CRIP1: variants seen among roughly 807,000 people sequenced by gnomAD.
CRIP1 encodes cysteine rich protein 1.
In CRIP1, 11 loss-of-function variants were observed where a neutral mutation model predicts 12.9. The observed-to-expected ratio is 0.86, with a 90% CI of 0.54 to 1.42. The LOEUF (loss-of-function observed/expected upper bound fraction) is 1.42, where lower values mean the gene tolerates loss of function less well. CRIP1 is among the 40% of genes most tolerant of loss of function. The probability of loss-of-function intolerance (pLI) is 0.00; values close to 1 mark genes in which losing one functional copy is unlikely to be tolerated. For missense variants in CRIP1, 122 were observed against 101.3 expected, an observed-to-expected ratio of 1.20 and a Z score of -0.88; for synonymous variants, 41 against 37.2, an observed-to-expected ratio of 1.10 and a Z score of -0.37.
intron 1 of CRIP1, 21 bp from the exon 2 acceptor site, chr14:105,487,178 G>T: frequency 6.6e-7 from 1 of 1,523,458 alleles, no homozygotes; most frequent in South Asian, 1.2e-5. Flanking sequence ...GAAAGGCGCG[G>T]ACCAGGCCGG....
chr14:105,488,339 C>T lies in CRIP1; in HGVS notation c.144C>T (p.Gly48=), dbSNP rs372511951. 35 of 1,613,432 alleles carry T rather than the reference C, an allele frequency of 2.2e-5. No homozygotes were observed. The highest frequency in any genetic ancestry group is 2.6e-5 in the Non-Finnish European group (31 of 1,180,014). The change falls in exon 4 of 6, where the codon GGC becomes GGT. Residue 48 remains glycine (G), a synonymous_variant. Coordinates refer to ENST00000392531, the MANE Select transcript of CRIP1 (RefSeq NM_001311.5). ...LTSGGHAEHE[G]KPYCNHPCYA... is the part of the protein sequence containing the mutation. Reference sequence around the variant, plus strand: ...GGCCCTTCTCTTTGCAGCACGAAGGCAAACCCTACTGCAACCACCCCTGCT... The same window carrying T: ...GGCCCTTCTCTTTGCAGCACGAAGGTAAACCCTACTGCAACCACCCCTGCT...
chr14:105,488,226 G>A lies in CRIP1; in HGVS notation c.101G>A (p.Cys34Tyr), dbSNP rs2084143088. 2 of 1,613,306 alleles carry A rather than the reference G, an allele frequency of 1.2e-6. No homozygotes were observed. The highest frequency in any genetic ancestry group is 1.7e-5 in the Admixed American group (1 of 60,010). The stretch of plus-strand genomic sequence containing the variant: ...CGGCCCTGCCTGAAGTGCGAGAAAT[G>A]TGGGAAGACGCTGACCTCTGGGGGC... ...WHRPCLKCEK[C>Y]GKTLTSGGHA... The change falls in exon 3 of 6, where the codon TGT becomes TAT. Residue 34 changes from cysteine (C) to tyrosine (Y), a missense_variant. Cys to Tyr is a radical substitution (Grantham distance 194, BLOSUM62 -2). Transcript: ENST00000392531.
In CRIP1 at chr14:105,487,188, G is replaced by C. The variant is rs1224534763; in HGVS notation, c.-61-11G>C. The C allele has an allele frequency of 4.6e-6, 7 of 1,531,924 alleles. No individual in the cohort carries two copies. In the East Asian group the frequency reaches 1.3e-4, roughly 28 times the overall value. 94.9% of individuals were successfully genotyped at this position (1,531,924 alleles called of 1,614,324 possible). A position where few individuals can be genotyped will look rare whatever the true frequency, so the allele number is the denominator to read the frequency against. ...TCCCTGAAAGGCGCGGACCAGGCCG[G>C]ATCCACCCAGTCTCGCGCCTGCAGC... is the stretch of plus-strand genomic sequence containing the variant. On this transcript the variant is annotated splice_polypyrimidine_tract_variant and intron_variant, in intron 1 of 5. Transcript: ENST00000392531.
intron 1 of CRIP1, 68 bp from the exon 2 acceptor site, chr14:105,487,131 G>A: frequency 3.5e-6 from 5 of 1,419,860 alleles, no homozygotes; most frequent in Non-Finnish European, 4.6e-6. Flanking sequence ...GGGGCGCGAG[G>A]GGCGGGGTCT....
chr14:105,487,158 CG>C, intron 1 of CRIP1, 40 bp from the exon 2 acceptor site: 1 of 1,486,846 alleles, frequency 6.7e-7, no homozygotes, highest in Non-Finnish European at 9.0e-7. Flanking sequence ...GGCGGGGTCC[CG>C]GGGTCCCTGA....
rs1555438258 is a variant in CRIP1, at chr14:105,487,345, G to T, written c.40+46G>T. 2.6e-6 allele frequency: 4 copies of T among 1,514,084 alleles called. No homozygotes were observed. The East Asian group carries it at 7.7e-5, about 29-fold the overall frequency. The allele number at this position is 1,514,084 out of a possible 1,614,324, so 93.8% of individuals were successfully genotyped here. The stretch of plus-strand genomic sequence containing the variant: ...CCCGCGAGGAGGCGCCGCCGACGGG[G>T]CGACGAGGCTGGGGACCGCTCAGGA... On this transcript the variant is annotated intron_variant, in intron 2 of 5. Transcript: ENST00000392531.
In CRIP1 at chr14:105,487,304, G is replaced by C. The variant is rs1555438243; in HGVS notation, c.40+5G>C. 1.9e-6 allele frequency: 3 copies of C among 1,542,904 alleles called. No homozygotes were observed. The South Asian group carries it at 3.6e-5, about 19-fold the overall frequency. On this transcript the variant is annotated splice_donor_5th_base_variant and intron_variant, in intron 2 of 5. Transcript: ENST00000392531. ...GCAACAAGGAGGTGTACTTCGGTGA[G>C]CGCGCCCACACCGGCCCCGCGAGGA... is the stretch of plus-strand genomic sequence containing the variant.
chr14:105,487,362 C>T (rs2084131121), intron 2 of CRIP1, 63 bp downstream of exon 2: 4 of 1,441,308 alleles, frequency 2.8e-6, no homozygotes, highest in Admixed American at 2.1e-5. Context: ...GGCTGGGGAC[C>T]GCTCAGGAGG....
Position 105,488,520 on chromosome 14 carries a change from G to T in CRIP1, c.*5+4G>T, listed in dbSNP as rs1451446799. ...GCCACACTTTCAAGTAAACCAGGTA[G>T]GTAGGACCCCACCCCCTATCCTGCC... is the stretch of plus-strand genomic sequence containing the variant. On this transcript the variant is annotated splice_donor_region_variant and intron_variant, in intron 5 of 5. Coordinates refer to ENST00000392531, the MANE Select transcript of CRIP1 (RefSeq NM_001311.5). 27 of 1,584,848 alleles carry T rather than the reference G, an allele frequency of 1.7e-5. No homozygotes were observed. The highest frequency in any genetic ancestry group is 2.3e-5 in the Non-Finnish European group (27 of 1,164,380).
Position 105,487,959 on chromosome 14 carries a change from G to A in CRIP1, c.41-207G>A, listed in dbSNP as rs908696874. On this transcript the variant is annotated intron_variant, in intron 2 of 5. Coordinates refer to ENST00000392531, the MANE Select transcript of CRIP1 (RefSeq NM_001311.5). The stretch of plus-strand genomic sequence containing the variant: ...GTGCCCCGGGGACCAGCGACCCCGC[G>A]CTTTGTTTAGTTGTATTGGCTCTGG... 2.1e-5 allele frequency: 12 copies of A among 575,692 alleles called. No homozygotes were observed. The South Asian group carries it at 2.6e-4, about 12-fold the overall frequency. 35.7% of individuals were successfully genotyped at this position (575,692 alleles called of 1,614,324 possible).
At chr14:105,488,007 G>A in intron 2 of CRIP1, 159 bp from the exon 3 acceptor site, 1 of 650,892 alleles carries the variant, frequency 1.5e-6, no homozygotes, top group South Asian at 1.8e-5. Context: ...TTCCCCTCAT[G>A]GAGGGTGCTG....
rs1407776950 is a variant in CRIP1, at chr14:105,487,252, G to A, written c.-8G>A. 3 of 1,544,456 alleles carry A rather than the reference G, an allele frequency of 1.9e-6. No homozygotes were observed. The highest frequency in any genetic ancestry group is 2.0e-4 in the Middle Eastern group (1 of 4,954). ...GCCGCTGCCGCCTGCACCGGACCCG[G>A]AGCCGTCATGCCCAAGTGTCCCAAG... On this transcript the variant is annotated 5_prime_UTR_variant, in exon 2 of 6. Coordinates refer to ENST00000392531, the MANE Select transcript of CRIP1 (RefSeq NM_001311.5).
chr14:105,488,778 A>G lies in CRIP1; in HGVS notation c.*121A>G, dbSNP rs2084154677. 1.8e-6 allele frequency: 1 copy of G among 550,208 alleles called. No individual in the cohort carries two copies. The highest frequency in any genetic ancestry group is 2.8e-5 in the East Asian group (1 of 35,180). The allele number at this position is 550,208 out of a possible 1,614,324, so 34.1% of individuals were successfully genotyped here. A position where few individuals can be genotyped will look rare whatever the true frequency, so the allele number is the denominator to read the frequency against. On this transcript the variant is annotated 3_prime_UTR_variant, in exon 6 of 6. Transcript: ENST00000392531. ...CCCCTAATGCTCTCAGTAAACCTGA[A>G]CACTTGGAAAACCTGTGTGTGTACA...
chr14:105,486,891 GC>G lies in CRIP1; in HGVS notation c.-141del. The G allele has an allele frequency of 9.4e-7, 1 of 1,063,790 alleles. No individual in the cohort carries two copies. Among genetic ancestry groups the G allele is most frequent in the East Asian group, 7.0e-5 (1 of 14,370 alleles). 65.9% of individuals were successfully genotyped at this position (1,063,790 alleles called of 1,614,324 possible). A position where few individuals can be genotyped will look rare whatever the true frequency, so the allele number is the denominator to read the frequency against. On this transcript the variant is annotated 5_prime_UTR_variant, in exon 1 of 6. Coordinates refer to ENST00000392531, the MANE Select transcript of CRIP1 (RefSeq NM_001311.5). ...GTTTCCTGCTGCGGGTGAGCCTTTT[GC>G]CTCGGAACTGGACCCGGGAGACATC...
At position 105,488,185 on chromosome 14, in the gene CRIP1, G is replaced by A; in HGVS notation, c.60G>A (p.Leu20=). Reference sequence around the variant, plus strand: ...CTGCAGCCGAGAGGGTGACCTCTCTGGGCAAGGACTGGCATCGGCCCTGCC... The same window carrying A: ...CTGCAGCCGAGAGGGTGACCTCTCTAGGCAAGGACTGGCATCGGCCCTGCC... ...EVYFAERVTS[L]GKDWHRPCLK... is the part of the protein sequence containing the mutation. Residue 20 remains leucine (L), a synonymous_variant, in exon 3 of 6, where the codon CTG becomes CTA. Coordinates refer to ENST00000392531, the MANE Select transcript of CRIP1 (RefSeq NM_001311.5). 1 of 1,612,924 alleles carries A rather than the reference G, an allele frequency of 6.2e-7. No homozygotes were observed. The highest frequency in any genetic ancestry group is 8.5e-7 in the Non-Finnish European group (1 of 1,180,002).
chr14:105,486,897 G>C lies in CRIP1; in HGVS notation c.-137G>C. 2 of 1,080,514 alleles carry C rather than the reference G, an allele frequency of 1.9e-6. No individual in the cohort carries two copies. The highest frequency in any genetic ancestry group is 3.7e-5 in the South Asian group (1 of 27,068). 66.9% of individuals were successfully genotyped at this position (1,080,514 alleles called of 1,614,324 possible). On this transcript the variant is annotated 5_prime_UTR_variant, in exon 1 of 6. Coordinates refer to ENST00000392531, the MANE Select transcript of CRIP1 (RefSeq NM_001311.5). ...TGCTGCGGGTGAGCCTTTTGCCTCG[G>C]AACTGGACCCGGGAGACATCACAGC...
intron 1 of CRIP1, 62 bp downstream of exon 1, chr14:105,487,034 T>G (rs904666174): frequency 1.6e-5 from 22 of 1,355,390 alleles, no homozygotes; most frequent in Non-Finnish European, 2.1e-5. Context: ...GGGTCCTGCC[T>G]GAAGGCGGGG....
Position 105,488,233 on chromosome 14 carries a change from G to A in CRIP1, c.108G>A (p.Lys36=). The change falls in exon 3 of 6, where the codon AAG becomes AAA. Residue 36 remains lysine (K), a synonymous_variant. Transcript: ENST00000392531. Reference sequence around the variant, plus strand: ...GCCTGAAGTGCGAGAAATGTGGGAAGACGCTGACCTCTGGGGGCCACGCTG... The same window carrying A: ...GCCTGAAGTGCGAGAAATGTGGGAAAACGCTGACCTCTGGGGGCCACGCTG... The part of the protein sequence containing the change: ...RPCLKCEKCG[K]TLTSGGHAEH... 1 of 1,613,446 alleles carries A rather than the reference G, an allele frequency of 6.2e-7. No individual in the cohort carries two copies. Among genetic ancestry groups the A allele is most frequent in the Non-Finnish European group, 8.5e-7 (1 of 1,180,024 alleles).
In CRIP1 at chr14:105,488,403, T is replaced by TGGGCCCCCC; in HGVS notation, c.193+15_193+16insGGGCCCCCC. 7 of 1,580,428 alleles carry TGGGCCCCCC rather than the reference T, an allele frequency of 4.4e-6. No homozygotes were observed. Among genetic ancestry groups the TGGGCCCCCC allele is most frequent in the African/African-American group, 2.7e-5 (2 of 73,034 alleles). ...TGGGCCTAAAGGTATGCTCCCGTCA[T>TGGGCCCCCC]CCCCACCCCACCCCACCCCACAGCC... On this transcript the variant is annotated intron_variant, in intron 4 of 5. Coordinates refer to ENST00000392531, the MANE Select transcript of CRIP1 (RefSeq NM_001311.5).
Sources: allele counts gnomAD v4.1 joint callset, GRCh38; gene constraint gnomAD v4.1.1; transcripts MANE v1.5; gene names NCBI Gene and HGNC (gene_info 2026-07-23, HGNC 2026-07-21).